TLN2: variants seen among roughly 807,000 people sequenced by gnomAD.
TLN2 encodes the protein talin-2.
TLN2 carries 118 observed loss-of-function variants against 294.7 expected under a neutral mutation model. The ratio of observed to expected loss-of-function variants is 0.40; its 90% confidence interval spans 0.34 to 0.47. The LOEUF (loss-of-function observed/expected upper bound fraction) is 0.47, where lower values mean the gene tolerates loss of function less well. TLN2 is among the 20% of genes least tolerant of loss of function. The pLI, the probability that TLN2 is intolerant of heterozygous loss-of-function variation, is 0.84. For synonymous variants in TLN2, 1,431 were observed against 1,304.5 expected (o/e 1.10, Z -2.09); for missense variants, 3,083 against 3,282.2 (o/e 0.94, Z 1.48).
At chr15:62,698,905 C>A in intron 16 of TLN2, 38 bp downstream of exon 16, 1 of 1,570,656 alleles carries the variant, frequency 6.4e-7, no homozygotes, top group Non-Finnish European at 8.7e-7. Context: ...CAAGTCTCTG[C>A]CCTGGCAGAA....
chr15:62,694,789 C>T (rs1412843464), intron 14 of TLN2, among the ~76,000 whole-genome samples: 5 of 152,024 alleles, frequency 3.3e-5, no homozygotes, highest in African/African-American at 7.3e-5. Flanking sequence ...CAGCCAGTGG[C>T]GGAGTTACGG....
At chr15:62,605,867 T>C (rs537862660) in intron 2 of TLN2, among the ~76,000 whole-genome samples, 30 of 152,300 alleles carry the variant, frequency 2.0e-4, no homozygotes, top group African/African-American at 7.0e-4. Context: ...CTTCACGAAA[T>C]GTCTCTTCAG....
At chr15:62,459,106 T>C (rs1226690933) in intron 1 of TLN2, among the ~76,000 whole-genome samples, 2 of 152,086 alleles carry the variant, frequency 1.3e-5, no homozygotes, top group Non-Finnish European at 2.9e-5. Context: ...GTTCAAGTTA[T>C]TCTCCTGCCT....
intron 2 of TLN2, among the ~76,000 whole-genome samples, chr15:62,596,279 A>AAAAAAAAAC (rs2046505651): frequency 6.6e-6 from 1 of 151,276 alleles, no homozygotes; most frequent in Non-Finnish European, 1.5e-5. Context: ...AAAAAAAAAA[A>AAAAAAAAAC]AGGTATTCTT....
chr15:62,398,301 T>C (rs1288499241), intron 1 of TLN2, among the ~76,000 whole-genome samples: 1 of 152,170 alleles, frequency 6.6e-6, no homozygotes, highest in Admixed American at 6.5e-5. Flanking sequence ...TGCTTTCCCT[T>C]CCACCATGTT....
chr15:62,641,810 G>A (rs1207225311), intron 3 of TLN2, among the ~76,000 whole-genome samples: 1 of 152,156 alleles, frequency 6.6e-6, no homozygotes, highest in Non-Finnish European at 1.5e-5. Context: ...GGTAAGGCAG[G>A]TGGGGTCAGG....
chr15:62,755,663 C>T lies in TLN2; in HGVS notation c.4608C>T (p.Asn1536=), dbSNP rs2062202543. The change falls in exon 37 of 59, where the codon AAC becomes AAT. Residue 1536 remains asparagine, a synonymous_variant. Coordinates refer to ENST00000636159, the MANE Select transcript of TLN2 (RefSeq NM_015059.3). ...TCCAGTCAGCCAAGGAAGTCGCCAA[C>T]AGCACTGCCAACCTGGTGAAGACCA... ...HFVQSAKEVA[N]STANLVKTIK... is the part of the protein sequence containing the mutation. The T allele has an allele frequency of 6.2e-7, 1 of 1,614,274 alleles. No homozygotes were observed. Among genetic ancestry groups the T allele is most frequent in the East Asian group, 2.2e-5 (1 of 44,890 alleles).
chr15:62,493,978 T>G (rs571960173), intron 1 of TLN2, among the ~76,000 whole-genome samples: 3 of 151,784 alleles, frequency 2.0e-5, no homozygotes, highest in South Asian at 4.2e-4. Context: ...TGATGAAGAG[T>G]TTTTTTTAGA....
chr15:62,643,844 A>G (rs1011529771), intron 3 of TLN2, among the ~76,000 whole-genome samples: 2 of 152,102 alleles, frequency 1.3e-5, no homozygotes, highest in African/African-American at 2.4e-5. Flanking sequence ...AGACCCGGGC[A>G]GCCATGTGCA....
At chr15:62,644,633 C>T (rs1464120347) in intron 3 of TLN2, 1 of 455,618 alleles carries the variant, frequency 2.2e-6, no homozygotes, top group Non-Finnish European at 4.4e-6. Context: ...CTCCTGTGCA[C>T]CTTGCGGACC....
chr15:62,415,651 A>G lies in TLN2; in HGVS notation c.-238+24966A>G, dbSNP rs373524175. Among the ~76,000 whole-genome samples the G allele has an allele frequency of 6.6e-4, 101 of 152,322 alleles. 1 individual carries two copies. The highest frequency in any genetic ancestry group is 2.3e-3 in the African/African-American group (94 of 41,584). On this transcript the variant is annotated intron_variant, in intron 1 of 58. Coordinates refer to ENST00000636159, the MANE Select transcript of TLN2 (RefSeq NM_015059.3). ...AGTCCCGCTCTGCTGGGGTGACCCA[A>G]AGGAAGAGGCCCGCTGCCAGGCGCT...
At chr15:62,484,395 T>G (rs1422686589) in intron 1 of TLN2, among the ~76,000 whole-genome samples, 1 of 152,168 alleles carries the variant, frequency 6.6e-6, no homozygotes, top group East Asian at 1.9e-4. Flanking sequence ...GTGAATTATC[T>G]TCAGAGATCC....
intron 2 of TLN2, among the ~76,000 whole-genome samples, chr15:62,602,130 A>G (rs1197445501): frequency 1.3e-5 from 2 of 152,174 alleles, no homozygotes; most frequent in Non-Finnish European, 2.9e-5. Context: ...ATTTCTGGAT[A>G]CTTACAGTGG....
chr15:62,798,558 A>AC (rs1446217541), intron 48 of TLN2, among the ~76,000 whole-genome samples: 4 of 152,144 alleles, frequency 2.6e-5, no homozygotes, highest in South Asian at 2.1e-4. Context: ...AACAAAACAA[A>AC]AAAAAAAAAC....
chr15:62,692,891 G>A lies in TLN2; in HGVS notation c.1165G>A (p.Glu389Lys). The A allele has an allele frequency of 6.2e-7, 1 of 1,613,810 alleles. No homozygotes were observed. Among genetic ancestry groups the A allele is most frequent in the Non-Finnish European group, 8.5e-7 (1 of 1,179,914 alleles). ...CTATTCAGTACAAACCACCGAGGGA[G>A]AGCAGATATCCCAGCTGATTGCAGG... is the stretch of plus-strand genomic sequence containing the variant. Reference protein sequence around the residue: ...SYYSVQTTEGEQISQLIAGYI... With the variant: ...SYYSVQTTEGKQISQLIAGYI... Residue 389 changes from glutamate to lysine, a missense_variant, in exon 13 of 59, where the codon GAG becomes AAG. By Grantham distance (56) the Glu-to-Lys change is moderately conservative (BLOSUM62 1). Coordinates refer to ENST00000636159, the MANE Select transcript of TLN2 (RefSeq NM_015059.3).
intron 49 of TLN2, 29 bp downstream of exon 49, chr15:62,800,522 C>T: frequency 2.5e-6 from 4 of 1,612,214 alleles, no homozygotes; most frequent in Non-Finnish European, 3.4e-6. Context: ...TGGGGATGAG[C>T]ACCTGAGTTC....
At chr15:62,673,951 G>A in intron 10 of TLN2, 61 bp downstream of exon 10, 1 of 1,369,626 alleles carries the variant, frequency 7.3e-7, no homozygotes, top group Non-Finnish European at 1.0e-6. Flanking sequence ...TTATTAGTGT[G>A]AGGGGGCCTC....
At chr15:62,740,373 A>C (rs28642983) in intron 31 of TLN2, 102,362 of 397,184 alleles carry the variant, frequency 0.26, 13,897 homozygotes, top group East Asian at 0.36. Flanking sequence ...TAGTTGTGAG[A>C]AAAGCACAGC....
At chr15:62,726,222 T>C (rs1036297093) in intron 27 of TLN2, among the ~76,000 whole-genome samples, 2 of 152,222 alleles carry the variant, frequency 1.3e-5, no homozygotes, top group African/African-American at 2.4e-5. Flanking sequence ...TTTAAAGAAA[T>C]TGCTCTAATA....
Sources: allele counts gnomAD v4.1 joint callset (sites outside exome capture counted in the v4.1 genomes callset), GRCh38; gene constraint gnomAD v4.1.1; transcripts MANE v1.5; gene names NCBI Gene and HGNC (gene_info 2026-07-23, HGNC 2026-07-21).